Variants in SPTA1 observed in about 807,000 individuals in gnomAD.
SPTA1 encodes the protein spectrin alpha chain, erythrocytic 1.
A neutral mutation model predicts 324.7 loss-of-function variants in SPTA1; 177 were observed. The ratio of observed to expected loss-of-function variants is 0.55; its 90% CI spans 0.48 to 0.62. SPTA1 has a LOEUF of 0.62. Among genes scored for constraint, SPTA1 ranks in the 20% least tolerant of loss-of-function variants. The probability of loss-of-function intolerance (pLI) is 0.00; values close to 1 mark genes in which losing one functional copy is unlikely to be tolerated. For synonymous variants in SPTA1, 1,195 were observed against 1,041.3 expected, an observed-to-expected ratio of 1.15 and a Z score of -2.84; for missense variants, 3,162 against 2,883.6, an observed-to-expected ratio of 1.10 and a Z score of -2.21.
chr1:158,665,485 A>T (rs974094213), intron 16 of SPTA1, among the ~76,000 whole-genome samples: 7 of 152,322 alleles, frequency 4.6e-5, no homozygotes, highest in African/African-American at 1.7e-4. Flanking sequence ...ATTTTTAAAT[A>T]CAAGCTAGGA....
rs1291965982 is a variant in SPTA1 at position 158,642,874 on chromosome 1, C to A, written c.4545G>T (p.Trp1515Cys). ...FYRDLEELEEWISEMLPTACD... is the reference protein window; with the variant it reads ...FYRDLEELEECISEMLPTACD... The stretch of plus-strand genomic sequence containing the variant: ...AGGCTGTGGGCAGCATCTCACTGAT[C>A]CATTCTTCCAGCTCCTCAAGGTCTC... Residue 1515 changes from tryptophan (W) to cysteine (C), a missense_variant, in exon 32 of 52, where the codon TGG becomes TGT. Trp to Cys is a radical substitution (Grantham distance 215). Coordinates refer to ENST00000643759, the MANE Select transcript of SPTA1 (RefSeq NM_003126.4). 1 of 1,613,822 alleles carries A rather than the reference C, an allele frequency of 6.2e-7. No homozygotes were observed. The highest frequency in any genetic ancestry group is 8.5e-7 in the Non-Finnish European group (1 of 1,179,840).
In SPTA1 at chr1:158,620,252, A is replaced by C. The variant is rs1383401833; in HGVS notation, c.6335T>G (p.Leu2112Ter). The change falls in exon 44 of 52, where the codon TTA becomes TGA. Residue 2112 changes from leucine to a stop codon, truncating the protein, a stop_gained. Transcript: ENST00000643759. LOFTEE classifies it high-confidence loss of function. ...LLELDQQIKA[L>*]GVPSSPYTWL... Reference sequence around the variant, plus strand: ...GGTATAAGGGCTGGAAGGCACACCTAAGGCCTTAATCTGCTGGTCTAGCTC... The same window carrying C: ...GGTATAAGGGCTGGAAGGCACACCTCAGGCCTTAATCTGCTGGTCTAGCTC... 2 of 1,614,062 alleles carry C rather than the reference A, an allele frequency of 1.2e-6. No individual in the cohort carries two copies. Among genetic ancestry groups the C allele is most frequent in the Non-Finnish European group, 8.5e-7 (1 of 1,180,042 alleles).
chr1:158,635,761 G>C (rs772083526), intron 38 of SPTA1, 152 bp downstream of exon 38: 5 of 1,128,388 alleles, frequency 4.4e-6, no homozygotes, highest in Non-Finnish European at 6.5e-6. Context: ...GGAAAGCTTT[G>C]TGGTAAACTT....
chr1:158,638,921 T>A (rs548936733), intron 35 of SPTA1, among the ~76,000 whole-genome samples: 7 of 152,236 alleles, frequency 4.6e-5, no homozygotes, highest in Admixed American at 2.6e-4. Context: ...GCAACATTCT[T>A]AGCTGCCCAT....
At chr1:158,638,390 A>G in intron 35 of SPTA1, 149 bp from the exon 36 acceptor site, 1 of 804,620 alleles carries the variant, frequency 1.2e-6, no homozygotes, top group Admixed American at 2.0e-5. Flanking sequence ...ACATGTTAGC[A>G]TATGTTCAGG....
In SPTA1 at chr1:158,642,497, G is replaced by A. The variant is rs777656764; in HGVS notation, c.4651C>T (p.Arg1551Ter). The A allele has an allele frequency of 3.7e-6, 6 of 1,613,566 alleles. No homozygotes were observed. Among genetic ancestry groups the A allele is most frequent in the Non-Finnish European group, 4.2e-6 (5 of 1,179,698 alleles). Reference protein sequence around the residue: ...HQTFAHEVDGRSEQVHGVINL... With the variant: ...HQTFAHEVDG ...ATGACGCCATGCACCTGCTCAGATCGGCCATCGACTTCATGTGCAAAGGTC... is the reference window on the plus strand; with the variant it reads ...ATGACGCCATGCACCTGCTCAGATCAGCCATCGACTTCATGTGCAAAGGTC... The change falls in exon 33 of 52, where the codon CGA becomes TGA. Residue 1551 changes from arginine (R) to a stop codon, truncating the protein, a stop_gained. Coordinates refer to ENST00000643759, the MANE Select transcript of SPTA1 (RefSeq NM_003126.4). LOFTEE classifies it high-confidence loss of function.
intron 46 of SPTA1, 130 bp from the exon 47 acceptor site, chr1:158,617,718 C>G: frequency 2.1e-6 from 2 of 930,712 alleles, no homozygotes; most frequent in Non-Finnish European, 3.4e-6. Flanking sequence ...CAAAATTTCA[C>G]AGAGCCAAAT....
chr1:158,640,939 T>C (rs1370237728), intron 33 of SPTA1, among the ~76,000 whole-genome samples: 4 of 152,160 alleles, frequency 2.6e-5, no homozygotes, highest in Non-Finnish European at 4.4e-5. Flanking sequence ...CAAAACAGCA[T>C]GGTACTGGTA....
rs35856400 is a variant in SPTA1 at position 158,661,402 on chromosome 1, G to A, written c.2472C>T (p.Asp824=). 4,997 of 1,613,812 alleles carry A rather than the reference G, an allele frequency of 3.1e-3. 119 individuals are homozygous for A. The African/African-American group carries it at 0.056, about 18-fold the overall frequency. The part of the protein sequence containing the change: ...PSATSTYLGK[D]LIASKKLLNR... ...TCAGAAGCTTTTTGGAAGCAATCAG[G>A]TCCTTTCCTGCAGAGGAAAGGAATT... The change falls in exon 18 of 52, where the codon GAC becomes GAT. Residue 824 remains aspartate, a synonymous_variant. Coordinates refer to ENST00000643759, the MANE Select transcript of SPTA1 (RefSeq NM_003126.4).
chr1:158,672,028 T>G (rs1375440086), intron 11 of SPTA1, 31 bp downstream of exon 11: 1 of 1,613,206 alleles, frequency 6.2e-7, no homozygotes, highest in Admixed American at 1.7e-5. Context: ...GAGAAATTAC[T>G]TCTAGAGATG....
intron 3 of SPTA1, among the ~76,000 whole-genome samples, chr1:158,682,554 C>T (rs1654886416): frequency 1.3e-5 from 2 of 151,902 alleles, no homozygotes; most frequent in Non-Finnish European, 2.9e-5. Context: ...AATCTGTGTC[C>T]GTTGACCATA....
rs929507176 is a variant in SPTA1 at position 158,674,414 on chromosome 1, T to A, written c.1265A>T (p.Tyr422Phe). The stretch of plus-strand genomic sequence containing the variant: ...ATCAGCAGATTGAAATCGGTCATCG[T>A]AAGAGTCAATCTCATGCTGTGGCCA... ...HQQHKHEIDS[Y>F]DDRFQSADET... The change falls in exon 10 of 52, where the codon TAC becomes TTC. Residue 422 changes from tyrosine to phenylalanine, a missense_variant. Coordinates refer to ENST00000643759, the MANE Select transcript of SPTA1 (RefSeq NM_003126.4). 3 of 1,613,992 alleles carry A rather than the reference T, an allele frequency of 1.9e-6. No homozygotes were observed. The Admixed American group carries it at 5.0e-5, about 27-fold the overall frequency.
Position 158,611,213 on chromosome 1 carries a change from G to T in SPTA1, c.*51C>A. 1 of 1,604,126 alleles carries T rather than the reference G, an allele frequency of 6.2e-7. No individual in the cohort carries two copies. Among genetic ancestry groups the T allele is most frequent in the South Asian group, 1.1e-5 (1 of 90,828 alleles). ...ATTTGCCTGTACTCTTTGCCCCCCA[G>T]TAAATTTCCCACGACACTAAGATTT... On this transcript the variant is annotated 3_prime_UTR_variant, in exon 52 of 52. Transcript: ENST00000643759.
At chr1:158,656,291 G>T (rs890477687) in intron 20 of SPTA1, among the ~76,000 whole-genome samples, 8 of 152,082 alleles carry the variant, frequency 5.3e-5, no homozygotes, top group African/African-American at 1.9e-4. Context: ...AAGTAAGAAA[G>T]AAAGAAGGGT....
At chr1:158,681,471 G>T (rs1654802411) in intron 4 of SPTA1, 56 bp downstream of exon 4, 1 of 1,612,254 alleles carries the variant, frequency 6.2e-7, no homozygotes, top group South Asian at 1.1e-5. Context: ...TTGCTATGGG[G>T]TACCTGGGAC....
rs1557917235 is a variant in SPTA1, at chr1:158,612,845, G to A, written c.7106C>T (p.Ser2369Leu). 1 of 1,613,892 alleles carries A rather than the reference G, an allele frequency of 6.2e-7. No homozygotes were observed. Among genetic ancestry groups the A allele is most frequent in the East Asian group, 2.2e-5 (1 of 44,870 alleles). ...NAFQALAEGK[S>L]YITKEDMKQA... is the part of the protein sequence containing the mutation. ...CTTCATGTCTTCTTTGGTAATATAT[G>A]ACTTGCCCTCTGCCAGGGCTTGGAA... Residue 2369 changes from serine (S) to leucine (L), a missense_variant, in exon 51 of 52, where the codon TCA (serine) becomes TTA (leucine). Coordinates refer to ENST00000643759, the MANE Select transcript of SPTA1 (RefSeq NM_003126.4).
At chr1:158,618,404 T>C (rs1364056550) in intron 45 of SPTA1, among the ~76,000 whole-genome samples, 4 of 152,182 alleles carry the variant, frequency 2.6e-5, no homozygotes, top group Non-Finnish European at 4.4e-5. Context: ...AGACATGGTA[T>C]AGGATTTCTT....
At chr1:158,641,847 A>G (rs940667043) in intron 33 of SPTA1, among the ~76,000 whole-genome samples, 19 of 152,178 alleles carry the variant, frequency 1.2e-4, no homozygotes, top group Non-Finnish European at 2.6e-4. Flanking sequence ...GCTGCTATAA[A>G]GACACATGCA....
In SPTA1 at chr1:158,678,534, C is replaced by T. The variant is rs199598260; in HGVS notation, c.679G>A (p.Glu227Lys). The T allele has an allele frequency of 2.8e-3, 4,515 of 1,613,226 alleles. 21 individuals are homozygous for T. The highest frequency in any genetic ancestry group is 2.8e-3 in the Non-Finnish European group (3,269 of 1,179,570). Residue 227 changes from glutamate (E) to lysine (K), a missense_variant and splice_region_variant, in exon 6 of 52, where the codon GAA becomes AAA. Glu to Lys is a moderately conservative substitution (Grantham distance 56). Transcript: ENST00000643759. Reference sequence around the variant, plus strand: ...ATTAAGGGTAGGTCAGGATGGTTTTCCTGTTGAAGGAAAACAACACTGGAG... The same window carrying T: ...ATTAAGGGTAGGTCAGGATGGTTTTTCTGTTGAAGGAAAACAACACTGGAG... ...VNQYANECAEENHPDLPLIQS... is the reference protein window; with the variant it reads ...VNQYANECAEKNHPDLPLIQS...
Sources: gnomAD v4.1 joint callset for allele counts (sites outside exome capture counted in the v4.1 genomes callset) on GRCh38, gnomAD v4.1.1 for gene constraint, MANE v1.5 for transcripts, NCBI Gene and HGNC (gene_info 2026-07-23, HGNC 2026-07-21) for gene names.